Variants in WDR27 observed in about 807,000 individuals in gnomAD.
WDR27 encodes WD repeat domain 27.
A neutral mutation model predicts 114.4 loss-of-function variants in WDR27; 100 were observed. The ratio of observed to expected loss-of-function variants is 0.87; its 90% CI spans 0.74 to 1.03. WDR27 has a LOEUF of 1.03. Ranked by LOEUF, WDR27 falls within the 50% of genes least tolerant of loss-of-function variation. The pLI is 0.00. For missense variants in WDR27, 1,129 were observed against 1,092.9 expected, an observed-to-expected ratio of 1.03 and a Z score of -0.47; for synonymous variants, 449 against 423.1, an observed-to-expected ratio of 1.06 and a Z score of -0.75.
chr6:169,486,430 C>T lies in WDR27; in HGVS notation c.2646-28796G>A, dbSNP rs998778816. On this transcript the variant is annotated intron_variant, in intron 25 of 25. Coordinates refer to ENST00000448612, the MANE Select transcript of WDR27 (RefSeq NM_182552.5). The stretch of plus-strand genomic sequence containing the variant: ...CACCACCCTCCTGTGGTTACCCAGC[C>T]TTGCAGGCTCCGGCAGCCTTTGTTT... 3.9e-5 allele frequency among the ~76,000 whole-genome samples: 6 copies of T among 152,164 alleles called. No individual in the cohort carries two copies. In the East Asian group the frequency reaches 1.2e-3, roughly 29 times the overall value.
intron 25 of WDR27, among the ~76,000 whole-genome samples, chr6:169,484,653 C>A (rs1475763670): frequency 6.6e-6 from 1 of 152,128 alleles, no homozygotes; most frequent in African/African-American, 2.4e-5. Flanking sequence ...ACATTCTTCA[C>A]ACAACTGGAA....
chr6:169,499,272 G>T (rs1038260246), intron 25 of WDR27, among the ~76,000 whole-genome samples: 38 of 152,236 alleles, frequency 2.5e-4, no homozygotes, highest in African/African-American at 8.4e-4. Flanking sequence ...ACAGCAGAAG[G>T]CTACACACGC....
intron 1 of WDR27, among the ~76,000 whole-genome samples, chr6:169,689,755 A>G (rs892783457): frequency 6.6e-6 from 1 of 152,250 alleles, no homozygotes; most frequent in Non-Finnish European, 1.5e-5. Flanking sequence ...CAGGCCGGCA[A>G]TAGATGCACC....
chr6:169,474,388 T>C (rs1050693456), intron 25 of WDR27, among the ~76,000 whole-genome samples: 2 of 152,206 alleles, frequency 1.3e-5, no homozygotes, highest in African/African-American at 4.8e-5. Context: ...CTTTAGACAA[T>C]ATAACTGTAA....
chr6:169,454,930 C>T (rs866322634), downstream of WDR27, among the ~76,000 whole-genome samples: 29 of 152,312 alleles, frequency 1.9e-4, no homozygotes, highest in African/African-American at 5.8e-4. Context: ...TGTGTCCACT[C>T]GGTTGGTGAA....
In WDR27 at chr6:169,684,044, A is replaced by G. The variant is rs2128320980; in HGVS notation, c.189+4773T>C. ...CCAGCCCTGGGGCTCCATCTTTACT[A>G]TACCAAGCCCACATGAGTGGCTGAA... On this transcript the variant is annotated intron_variant, in intron 2 of 25. Transcript: ENST00000448612. This position sits in a 1 kb window ranked among gnomAD's most constrained non-coding sequence, Gnocchi z 4.3. Among the ~76,000 whole-genome samples, 1 of 152,236 alleles carries G rather than the reference A, an allele frequency of 6.6e-6. No homozygotes were observed. The highest frequency in any genetic ancestry group is 1.5e-5 in the Non-Finnish European group (1 of 68,016).
intron 14 of WDR27, among the ~76,000 whole-genome samples, chr6:169,650,834 T>C (rs1822238878): frequency 6.6e-6 from 1 of 151,840 alleles, no homozygotes; most frequent in Non-Finnish European, 1.5e-5. Flanking sequence ...CCATCTCTCA[T>C]CCCTCCATCC....
the WDR27 span, among the ~76,000 whole-genome samples, chr6:169,448,179 C>T: frequency 2.0e-5 from 3 of 152,170 alleles, no homozygotes. Flanking sequence ...GCTGAGATTA[C>T]AGGCGTGAGC....
intron 22 of WDR27, among the ~76,000 whole-genome samples, chr6:169,612,004 C>G (rs1464938371): frequency 2.6e-5 from 4 of 152,188 alleles, no homozygotes; most frequent in Admixed American, 2.6e-4. Context: ...GGCGTGGTGG[C>G]GCATGCCTAC....
intron 23 of WDR27, among the ~76,000 whole-genome samples, chr6:169,583,503 ATGT>A: frequency 3.8e-5 from 1 of 26,382 alleles, no homozygotes; most frequent in East Asian, 3.2e-4. Context: ...ATATATATAT[ATGT>A]ATATATACAC....
intron 2 of WDR27, 37 bp from the exon 3 acceptor site, chr6:169,672,433 A>G (rs975561906): frequency 6.5e-7 from 1 of 1,528,606 alleles, no homozygotes; most frequent in Non-Finnish European, 8.8e-7. Flanking sequence ...CAGATCACAG[A>G]CATTTAAAAA....
At chr6:169,486,435 A>T (rs1202541772) in intron 25 of WDR27, among the ~76,000 whole-genome samples, 1 of 152,192 alleles carries the variant, frequency 6.6e-6, no homozygotes, top group Non-Finnish European at 1.5e-5. Flanking sequence ...CCAGCCTTGC[A>T]GGCTCCGGCA....
intron 25 of WDR27, among the ~76,000 whole-genome samples, chr6:169,539,942 G>A (rs1584073909): frequency 1.3e-5 from 2 of 152,230 alleles, no homozygotes; most frequent in East Asian, 1.9e-4. Context: ...GCTACCTCCC[G>A]ACATCAGGCC....
chr6:169,436,707 T>G, the WDR27 span, among the ~76,000 whole-genome samples: 1 of 152,080 alleles, frequency 6.6e-6, no homozygotes, highest in Non-Finnish European at 1.5e-5. Flanking sequence ...TCATAGACAT[T>G]GATAAAACAT....
intron 2 of WDR27, among the ~76,000 whole-genome samples, chr6:169,676,679 C>T (rs1169218365): frequency 6.6e-6 from 1 of 152,144 alleles, no homozygotes; most frequent in Non-Finnish European, 1.5e-5. Flanking sequence ...TTATCTTAAC[C>T]CAGACATTCC....
At chr6:169,426,580 C>T in the WDR27 span, 4 of 152,132 alleles carry the variant, frequency 2.6e-5, no homozygotes, top group Middle Eastern at 3.2e-3. Flanking sequence ...TTTACCGTGC[C>T]AATTGAGTTC....
At chr6:169,507,089 T>C (rs1269210381) in intron 25 of WDR27, among the ~76,000 whole-genome samples, 2 of 152,236 alleles carry the variant, frequency 1.3e-5, no homozygotes, top group African/African-American at 4.8e-5. Flanking sequence ...TAAAATATTT[T>C]GAGTCCTAAA....
chr6:169,513,347 T>C (rs532050171), intron 25 of WDR27, among the ~76,000 whole-genome samples: 1 of 152,244 alleles, frequency 6.6e-6, no homozygotes, highest in South Asian at 2.1e-4. Context: ...CTTCCTGCCA[T>C]GCACAATTGG....
intron 13 of WDR27, among the ~76,000 whole-genome samples, chr6:169,656,494 A>G (rs1562834539): frequency 6.6e-6 from 1 of 152,012 alleles, no homozygotes; most frequent in Non-Finnish European, 1.5e-5. Context: ...TGACAGGGCC[A>G]AGAGAGACCA....
Sources: allele counts gnomAD v4.1 joint callset (sites outside exome capture counted in the v4.1 genomes callset), GRCh38; gene constraint gnomAD v4.1.1; non-coding constraint Gnocchi (gnomAD v3.1); transcripts MANE v1.5; gene names NCBI Gene and HGNC (gene_info 2026-07-23, HGNC 2026-07-21).